The following CHLSN variants were observed in gnomAD, a reference collection of about 807,000 sequenced individuals.
CHLSN encodes cholesin, also known as protein cholesin.
the CHLSN span, among the ~76,000 whole-genome samples, chr7:1,016,781 CACAGCACACAGCAGCACACA>C: frequency 1.5e-5 from 1 of 68,692 alleles, no homozygotes; most frequent in East Asian, 3.4e-4. Flanking sequence ...CACAGCAGCG[CACAGCACACAGCAGCACACA>C]GCAGCACACA....
the CHLSN span, among the ~76,000 whole-genome samples, chr7:1,030,739 T>TCTCTCTCTCCCGGGGCAGGGGGGGA: frequency 1.3e-4 from 3 of 22,474 alleles, no homozygotes; most frequent in Admixed American, 9.4e-4. Context: ...AGGGGGGGAC[T>TCTCTCTCTCCCGGGGCAGGGGGGGA]CTCTCTCTCT....
chr7:1,073,295 T>C, the CHLSN span, among the ~76,000 whole-genome samples: 1 of 152,130 alleles, frequency 6.6e-6, no homozygotes, highest in Non-Finnish European at 1.5e-5. Flanking sequence ...CAGAGAGCTT[T>C]CAAGCAACAC....
the CHLSN span, among the ~76,000 whole-genome samples, chr7:1,041,492 G>A: frequency 5.4e-4 from 82 of 152,344 alleles, no homozygotes; most frequent in African/African-American, 1.9e-3. Flanking sequence ...TGTTACTGCC[G>A]TTTATGGGGG....
At chr7:1,094,984 G>T in the CHLSN span, among the ~76,000 whole-genome samples, 1 of 152,178 alleles carries the variant, frequency 6.6e-6, no homozygotes, top group Non-Finnish European at 1.5e-5. Flanking sequence ...CACACTAACA[G>T]GTCTCGTGGA....
chr7:1,107,745 ACG>A, the CHLSN span, among the ~76,000 whole-genome samples: 3 of 151,660 alleles, frequency 2.0e-5, no homozygotes, highest in Non-Finnish European at 4.4e-5. Context: ...CTGGAGCCCC[ACG>A]CCCCGGGAGG....
the CHLSN span, among the ~76,000 whole-genome samples, chr7:1,114,848 C>T: frequency 5.9e-5 from 9 of 152,224 alleles, no homozygotes; most frequent in Non-Finnish European, 1.0e-4. Flanking sequence ...TGGAGGGGCT[C>T]GCAGGAGAGC....
chr7:1,019,209 AAACG>A, the CHLSN span, among the ~76,000 whole-genome samples: 42 of 81,762 alleles, frequency 5.1e-4, 1 homozygote, highest in Middle Eastern at 4.8e-3. Context: ...AAAAAAAAAA[AAACG>A]GGGGGGGGGG....
chr7:1,138,236 G>T, the CHLSN span: 1 of 152,244 alleles, frequency 6.6e-6, no homozygotes, highest in Non-Finnish European at 1.5e-5. Flanking sequence ...GAACAGCTGC[G>T]TCGCGGACGC....
the CHLSN span, among the ~76,000 whole-genome samples, chr7:1,050,089 A>G: frequency 6.6e-6 from 1 of 152,230 alleles, no homozygotes; most frequent in Non-Finnish European, 1.5e-5. Flanking sequence ...CCGCAAGCAC[A>G]GGGTCTTCTG....
chr7:1,134,110 A>T, the CHLSN span, among the ~76,000 whole-genome samples: 187 of 152,096 alleles, frequency 1.2e-3, no homozygotes, highest in African/African-American at 4.4e-3. Context: ...AAATATATAT[A>T]TATATTTTTT....
chr7:1,110,517 C>T, the CHLSN span, among the ~76,000 whole-genome samples: 4 of 152,218 alleles, frequency 2.6e-5, no homozygotes, highest in African/African-American at 9.6e-5. Context: ...CCGCGCCTCC[C>T]GCCACGTCTT....
the CHLSN span, among the ~76,000 whole-genome samples, chr7:1,048,231 G>A: frequency 3.4e-4 from 52 of 152,288 alleles, no homozygotes; most frequent in Non-Finnish European, 4.3e-4. Context: ...AACTTCGTGG[G>A]GATCACCGGG....
chr7:987,204 A>AGTGGGCCGCACTTCTG, the CHLSN span: 2 of 1,548,498 alleles, frequency 1.3e-6, no homozygotes, highest in Non-Finnish European at 1.7e-6. Context: ...GCCACGCTGC[A>AGTGGGCCGCACTTCTG]GTGGGCCGCA....
the CHLSN span, among the ~76,000 whole-genome samples, chr7:1,008,164 C>T: frequency 6.6e-6 from 1 of 152,340 alleles, no homozygotes; most frequent in Admixed American, 6.5e-5. Flanking sequence ...CAGTCGCCCT[C>T]TGCCTCCCAC....
the CHLSN span, among the ~76,000 whole-genome samples, chr7:1,052,424 G>A: frequency 2.6e-5 from 4 of 152,194 alleles, no homozygotes; most frequent in African/African-American, 7.2e-5. The surrounding 1 kb of genome is among the most constrained non-coding windows in gnomAD (Gnocchi z 4.2). Context: ...TTGAGGAGTC[G>A]TGGGGGAGGG....
chr7:1,034,795 T>G, the CHLSN span, among the ~76,000 whole-genome samples: 1 of 101,494 alleles, frequency 9.9e-6, no homozygotes, highest in East Asian at 3.1e-4. Flanking sequence ...TCCTCCCTCC[T>G]CCCACCTCCA....
chr7:1,081,222 G>T, the CHLSN span, among the ~76,000 whole-genome samples: 2 of 152,222 alleles, frequency 1.3e-5, no homozygotes, highest in African/African-American at 4.8e-5. Context: ...TGGTGCCTAG[G>T]CCGGGTGGGG....
At chr7:1,049,679 C>A in the CHLSN span, among the ~76,000 whole-genome samples, 1 of 152,220 alleles carries the variant, frequency 6.6e-6, no homozygotes, top group Non-Finnish European at 1.5e-5. Context: ...AGGCTTACTA[C>A]GAAGCCCTGT....
the CHLSN span, among the ~76,000 whole-genome samples, chr7:1,017,876 G>C: frequency 2.0e-5 from 3 of 152,252 alleles, no homozygotes; most frequent in African/African-American, 7.2e-5. Flanking sequence ...GCCTTGGTGG[G>C]ATGGCGCCTC....
Sources: gnomAD v4.1 joint callset for allele counts (sites outside exome capture counted in the v4.1 genomes callset) on GRCh38, gnomAD v4.1.1 for gene constraint, Gnocchi (gnomAD v3.1) non-coding constraint, MANE v1.5 for transcripts, NCBI Gene and HGNC (gene_info 2026-07-23, HGNC 2026-07-21) for gene names.